The following ABCB10 variants were observed in gnomAD, a reference collection of about 807,000 sequenced individuals.
The protein encoded by ABCB10 is ATP-binding cassette sub-family B member 10, mitochondrial.
Under a neutral mutation model 65.4 loss-of-function variants are expected in ABCB10, and 54 were observed. The observed-to-expected ratio is 0.83, with a 90% CI of 0.66 to 1.04. The LOEUF (loss-of-function observed/expected upper bound fraction) is 1.04, where lower values mean the gene tolerates loss of function less well. ABCB10 is among the 50% of genes least tolerant of loss of function. The probability of loss-of-function intolerance (pLI) is 0.00; values close to 1 mark genes in which losing one functional copy is unlikely to be tolerated. For missense variants in ABCB10, 846 were observed against 976.6 expected (o/e 0.87, Z 1.78); for synonymous variants, 418 against 406.5 (o/e 1.03, Z -0.34).
chr1:229,547,749 T>A (rs754584132), intron 2 of ABCB10, 48 bp from the exon 3 acceptor site: 1 of 1,589,068 alleles, frequency 6.3e-7, no homozygotes, highest in Admixed American at 1.7e-5. Flanking sequence ...AGACATCCAT[T>A]ACCATTATGG....
chr1:229,553,267 T>C (rs377034031), intron 1 of ABCB10, among the ~76,000 whole-genome samples: 9 of 152,210 alleles, frequency 5.9e-5, no homozygotes, highest in East Asian at 5.8e-4. Context: ...TGCGCCACTA[T>C]GCCTGGCTAA....
intron 9 of ABCB10, 148 bp from the exon 10 acceptor site, chr1:229,526,264 G>A: frequency 1.2e-6 from 1 of 847,800 alleles, no homozygotes; most frequent in Non-Finnish European, 1.8e-6. Flanking sequence ...TGCAAGCAAT[G>A]AGACCTCACA....
intron 2 of ABCB10, 125 bp from the exon 3 acceptor site, chr1:229,547,826 G>A: frequency 3.6e-6 from 3 of 840,840 alleles, no homozygotes; most frequent in Middle Eastern, 2.3e-4. Context: ...CAGCCTCTGA[G>A]CGTGTCTGCT....
chr1:229,526,801 G>T (rs1319877318), intron 9 of ABCB10, among the ~76,000 whole-genome samples: 1 of 152,218 alleles, frequency 6.6e-6, no homozygotes, highest in African/African-American at 2.4e-5. Context: ...TTTGAAATCT[G>T]CAACTTCTTT....
chr1:229,539,392 C>T, intron 6 of ABCB10, 64 bp downstream of exon 6: 1 of 1,576,168 alleles, frequency 6.3e-7, no homozygotes, highest in Non-Finnish European at 8.7e-7. Flanking sequence ...AGTTCAGTTT[C>T]TCTTTCAGAA....
intron 1 of ABCB10, among the ~76,000 whole-genome samples, chr1:229,552,294 G>A (rs1436495213): frequency 6.6e-6 from 1 of 152,120 alleles, no homozygotes; most frequent in African/African-American, 2.4e-5. Context: ...CTTTAGACTT[G>A]CTCCATAAAC....
At chr1:229,542,476 T>C in intron 3 of ABCB10, 105 bp from the exon 4 acceptor site, 2 of 1,358,324 alleles carry the variant, frequency 1.5e-6, no homozygotes, top group Non-Finnish European at 2.0e-6. Context: ...TCTGTGTGTG[T>C]GTGTGTTTAA....
intron 5 of ABCB10, 126 bp downstream of exon 5, chr1:229,540,480 G>T (rs1472787493): frequency 5.3e-6 from 5 of 940,052 alleles, no homozygotes; most frequent in Non-Finnish European, 6.0e-6. Context: ...GTCATTCTTG[G>T]CCTTGAAATT....
chr1:229,529,474 T>C (rs1264102540), intron 8 of ABCB10, among the ~76,000 whole-genome samples: 3 of 149,200 alleles, frequency 2.0e-5, no homozygotes, highest in African/African-American at 4.9e-5. Flanking sequence ...ATCGAGACCA[T>C]CCTGGCTAAC....
rs185977867 is a variant in ABCB10 at position 229,548,463 on chromosome 1, T to G, written c.719-762A>C. The stretch of plus-strand genomic sequence containing the variant: ...TAAATGGAGAGCAACAGACTTCGAG[T>G]TGGTGTCCCAGGTTCTCTCATTATT... On this transcript the variant is annotated intron_variant, in intron 2 of 12. Coordinates refer to ENST00000344517, the MANE Select transcript of ABCB10 (RefSeq NM_012089.3). 6.3e-3 allele frequency among the ~76,000 whole-genome samples: 953 copies of G among 152,186 alleles called. 6 individuals carry two copies. The highest frequency in any genetic ancestry group is 0.011 in the Non-Finnish European group (738 of 68,000).
chr1:229,527,399 C>T (rs1364534408), intron 8 of ABCB10, 91 bp from the exon 9 acceptor site: 1 of 1,160,034 alleles, frequency 8.6e-7, no homozygotes, highest in African/African-American at 1.5e-5. Flanking sequence ...ATTCCAGACT[C>T]ATTTTTTAAA....
chr1:229,539,374 A>G (rs1558124985), intron 6 of ABCB10, 82 bp downstream of exon 6: 10 of 1,528,256 alleles, frequency 6.5e-6, no homozygotes, highest in Non-Finnish European at 9.0e-6. Flanking sequence ...TAATTGAAGT[A>G]ATGTGAAAGT....
intron 6 of ABCB10, among the ~76,000 whole-genome samples, chr1:229,536,175 AAAG>A (rs995495132): frequency 1.3e-5 from 2 of 152,152 alleles, no homozygotes; most frequent in African/African-American, 4.8e-5. Flanking sequence ...TAATTTTTAA[AAAG>A]AAGGGAGTGA....
At chr1:229,533,483 C>A (rs1249925769) in intron 6 of ABCB10, among the ~76,000 whole-genome samples, 3 of 152,178 alleles carry the variant, frequency 2.0e-5, no homozygotes, top group African/African-American at 7.2e-5. Flanking sequence ...TGAGGACATA[C>A]ATTTGTAACA....
chr1:229,547,475 C>T (rs544532601), intron 3 of ABCB10, 24 bp downstream of exon 3: 1 of 1,611,624 alleles, frequency 6.2e-7, no homozygotes, highest in East Asian at 2.2e-5. Context: ...CAGGAAGGTA[C>T]CAAGGGGAAC....
intron 6 of ABCB10, among the ~76,000 whole-genome samples, 168 bp downstream of exon 6, chr1:229,539,288 G>T (rs1404685771): frequency 6.6e-6 from 1 of 152,152 alleles, no homozygotes; most frequent in African/African-American, 2.4e-5. Flanking sequence ...CTGCTGGGGA[G>T]GGTCACACTC....
At chr1:229,540,242 G>T (rs1453390031) in intron 5 of ABCB10, among the ~76,000 whole-genome samples, 2 of 152,098 alleles carry the variant, frequency 1.3e-5, no homozygotes, top group Non-Finnish European at 2.9e-5. Flanking sequence ...GACTTTGCTG[G>T]CATCAGAATG....
chr1:229,535,820 G>C (rs549290502), intron 6 of ABCB10, among the ~76,000 whole-genome samples: 11 of 151,900 alleles, frequency 7.2e-5, no homozygotes, highest in African/African-American at 2.7e-4. Flanking sequence ...CCACCTCCCA[G>C]GTTCAAGCAA....
chr1:229,540,707 C>T lies in ABCB10; in HGVS notation c.1102G>A (p.Gly368Arg). The part of the protein sequence containing the change: ...IGNVRTVRAF[G>R]KEMTEIEKYA... ...TTCTCGATTTCAGTCATTTCTTTCC[C>T]AAAAGCTCGAACAGTTCTTACATTT... Residue 368 changes from glycine to arginine, a missense_variant, in exon 5 of 13, where the codon GGG becomes AGG. Transcript: ENST00000344517. 6.2e-7 allele frequency: 1 copy of T among 1,613,724 alleles called. No homozygotes were observed. Among genetic ancestry groups the T allele is most frequent in the Non-Finnish European group, 8.5e-7 (1 of 1,180,008 alleles).
Sources: allele counts gnomAD v4.1 joint callset (sites outside exome capture counted in the v4.1 genomes callset), GRCh38; gene constraint gnomAD v4.1.1; transcripts MANE v1.5; gene names NCBI Gene and HGNC (gene_info 2026-07-23, HGNC 2026-07-21).